ZRANB3: variants seen among roughly 807,000 people sequenced by gnomAD.
ZRANB3 encodes zinc finger RANBP2-type containing 3.
In ZRANB3, 125 loss-of-function variants were observed where a neutral mutation model predicts 133.8. The ratio of observed to expected loss-of-function variants is 0.93; its 90% CI spans 0.81 to 1.08. The LOEUF is 1.08. Among genes scored for constraint, ZRANB3 ranks in the 50% least tolerant of loss-of-function variants. The probability of loss-of-function intolerance (pLI) is 0.00; values close to 1 mark genes in which losing one functional copy is unlikely to be tolerated. For synonymous variants in ZRANB3, 387 were observed against 432.7 expected (o/e 0.89, Z 1.31); for missense variants, 1,229 against 1,275.5 (o/e 0.96, Z 0.56).
intron 5 of ZRANB3, among the ~76,000 whole-genome samples, chr2:135,346,981 C>T (rs1684965465): frequency 6.6e-6 from 1 of 152,194 alleles, no homozygotes; most frequent in South Asian, 2.1e-4. Flanking sequence ...TACTAACCCA[C>T]TTTCTGTTTC....
intron 3 of ZRANB3, among the ~76,000 whole-genome samples, chr2:135,371,128 T>A (rs925032537): frequency 1.3e-5 from 2 of 152,214 alleles, no homozygotes; most frequent in Non-Finnish European, 2.9e-5. Flanking sequence ...TTGTGGCCTC[T>A]TTGGATTTTT....
chr2:135,446,886 T>C (rs1227031428), intron 2 of ZRANB3, among the ~76,000 whole-genome samples: 1 of 152,188 alleles, frequency 6.6e-6, no homozygotes, highest in African/African-American at 2.4e-5. Flanking sequence ...TGAAATTTAT[T>C]TGATAATTCC....
At chr2:135,288,552 G>A (rs185341654) in intron 8 of ZRANB3, among the ~76,000 whole-genome samples, 9 of 151,902 alleles carry the variant, frequency 5.9e-5, no homozygotes, top group African/African-American at 1.7e-4. Flanking sequence ...TCTTTTGTTG[G>A]CAATTTTTAA....
intron 6 of ZRANB3, among the ~76,000 whole-genome samples, chr2:135,325,318 G>T (rs1279586378): frequency 6.6e-6 from 1 of 152,000 alleles, no homozygotes; most frequent in Non-Finnish European, 1.5e-5. Context: ...AAATGAGAAG[G>T]AAAAAATTTA....
At chr2:135,514,038 G>C (rs1693593381) in intron 1 of ZRANB3, among the ~76,000 whole-genome samples, 1 of 152,190 alleles carries the variant, frequency 6.6e-6, no homozygotes. Flanking sequence ...GGTTACTGTA[G>C]CCTTGTAGCA....
intron 2 of ZRANB3, among the ~76,000 whole-genome samples, chr2:135,488,811 C>T (rs1195744847): frequency 6.7e-6 from 1 of 150,096 alleles, no homozygotes; most frequent in East Asian, 1.9e-4. Flanking sequence ...ACAAACTATG[C>T]TATATAATCA....
intron 1 of ZRANB3, chr2:135,510,983 A>G (rs1457993063): frequency 1.3e-6 from 1 of 788,948 alleles, no homozygotes; most frequent in Non-Finnish European, 2.3e-6. Flanking sequence ...CACCAGCCTC[A>G]CAGATCGGTC....
At chr2:135,230,211 G>C (rs1339302384) in intron 13 of ZRANB3, among the ~76,000 whole-genome samples, 4 of 152,216 alleles carry the variant, frequency 2.6e-5, no homozygotes, top group Non-Finnish European at 4.4e-5. Flanking sequence ...CATAGCAACA[G>C]AGCTTCTATT....
chr2:135,463,198 T>A (rs1219614742), intron 2 of ZRANB3, among the ~76,000 whole-genome samples: 1 of 152,092 alleles, frequency 6.6e-6, no homozygotes, highest in African/African-American at 2.4e-5. Context: ...AAATTACATA[T>A]AAATATATCT....
Position 135,406,281 on chromosome 2 carries a change from G to A in ZRANB3, c.162-15461C>T, listed in dbSNP as rs1574052764. 2.0e-5 allele frequency among the ~76,000 whole-genome samples: 3 copies of A among 152,120 alleles called. No individual in the cohort carries two copies. The South Asian group carries it at 6.2e-4, about 31-fold the overall frequency. ...CCCAAGACTAAACCAGGAAGAAGTTGAATCTCTGAATAGACCAAAAACAGG... is the reference window on the plus strand; with the variant it reads ...CCCAAGACTAAACCAGGAAGAAGTTAAATCTCTGAATAGACCAAAAACAGG... On this transcript the variant is annotated intron_variant, in intron 2 of 20. Coordinates refer to ENST00000264159, the MANE Select transcript of ZRANB3 (RefSeq NM_032143.4).
chr2:135,506,400 A>T (rs1363634231), intron 1 of ZRANB3, among the ~76,000 whole-genome samples: 1 of 152,128 alleles, frequency 6.6e-6, no homozygotes, highest in Non-Finnish European at 1.5e-5. Context: ...AAAAAAAAGA[A>T]AAACAAAAGC....
intron 2 of ZRANB3, among the ~76,000 whole-genome samples, chr2:135,442,189 A>T (rs1031756991): frequency 6.6e-6 from 1 of 152,202 alleles, no homozygotes; most frequent in Non-Finnish European, 1.5e-5. Context: ...GCCAAAATAG[A>T]CAAATGGGAT....
chr2:135,398,320 C>G (rs1301852522), intron 2 of ZRANB3, among the ~76,000 whole-genome samples: 1 of 151,776 alleles, frequency 6.6e-6, no homozygotes, highest in South Asian at 2.1e-4. Context: ...CCTGCCTCGG[C>G]CTCCCAAAGT....
intron 4 of ZRANB3, among the ~76,000 whole-genome samples, chr2:135,350,818 TAGA>T (rs1685171922): frequency 1.3e-5 from 2 of 152,332 alleles, no homozygotes; most frequent in South Asian, 2.1e-4. Context: ...GAAGTGTGGT[TAGA>T]AGAAGCGGGT....
At chr2:135,291,527 C>A (rs1280760574) in intron 8 of ZRANB3, among the ~76,000 whole-genome samples, 1 of 151,430 alleles carries the variant, frequency 6.6e-6, no homozygotes, top group African/African-American at 2.4e-5. Flanking sequence ...TAATCCCCAA[C>A]TTCTTGGAGG....
intron 10 of ZRANB3, 96 bp downstream of exon 10, chr2:135,271,672 C>T: frequency 1.4e-6 from 2 of 1,387,140 alleles, no homozygotes; most frequent in Non-Finnish European, 1.9e-6. Flanking sequence ...CATCCAGATA[C>T]AAAGTTACAA....
chr2:135,465,000 T>G (rs1690919031), intron 2 of ZRANB3, among the ~76,000 whole-genome samples: 1 of 151,900 alleles, frequency 6.6e-6, no homozygotes, highest in South Asian at 2.1e-4. Flanking sequence ...CAAGAGAAAC[T>G]AAAAATGGGG....
intron 17 of ZRANB3, among the ~76,000 whole-genome samples, chr2:135,213,577 TCAGTCAC>T (rs1694187610): frequency 6.6e-6 from 1 of 152,150 alleles, no homozygotes; most frequent in Non-Finnish European, 1.5e-5. Context: ...CTCTCTATAA[TCAGTCAC>T]CAAGTCTCTA....
rs191471780 is a variant in ZRANB3, at chr2:135,233,383, G to A, written c.1540-2456C>T. 3.6e-3 allele frequency among the ~76,000 whole-genome samples: 552 copies of A among 152,232 alleles called. 3 individuals carry two copies. The highest frequency in any genetic ancestry group is 0.012 in the African/African-American group (504 of 41,550). ...GAAAACACTCTGCAGGATATTATCC[G>A]GGAGAACTTCCCCAATCTGGCAAGG... On this transcript the variant is annotated intron_variant, in intron 12 of 20. Coordinates refer to ENST00000264159, the MANE Select transcript of ZRANB3 (RefSeq NM_032143.4).
Sources: gnomAD v4.1 joint callset for allele counts (sites outside exome capture counted in the v4.1 genomes callset) on GRCh38, gnomAD v4.1.1 for gene constraint, MANE v1.5 for transcripts, NCBI Gene and HGNC (gene_info 2026-07-23, HGNC 2026-07-21) for gene names.